CRTC3: variants seen among roughly 807,000 people sequenced by gnomAD.
The protein encoded by CRTC3 is CREB regulated transcription coactivator 3.
Under a neutral mutation model 74.5 loss-of-function variants are expected in CRTC3, and 26 were observed. The observed-to-expected ratio is 0.35, with a 90% CI of 0.26 to 0.48. The LOEUF is 0.48. Among genes scored for constraint, CRTC3 ranks in the 20% least tolerant of loss-of-function variants. CRTC3 has a pLI of 0.99. For synonymous variants in CRTC3, 377 were observed against 325.8 expected (o/e 1.16, Z -1.69); for missense variants, 760 against 787.3 (o/e 0.97, Z 0.41).
intron 2 of CRTC3, among the ~76,000 whole-genome samples, chr15:90,573,907 A>C (rs748622404): frequency 9.9e-5 from 15 of 152,216 alleles, no homozygotes; most frequent in Non-Finnish European, 1.9e-4. Flanking sequence ...TATTTTATGT[A>C]TGTATCAGCA....
intron 2 of CRTC3, among the ~76,000 whole-genome samples, chr15:90,583,682 A>C (rs546819638): frequency 1.3e-5 from 2 of 152,248 alleles, no homozygotes; most frequent in South Asian, 2.1e-4. Flanking sequence ...TGGGAGCCTC[A>C]CAGGAGTTTT....
rs1224493682 is a variant in CRTC3, at chr15:90,550,605, T to G, written c.231+10468T>G. Reference sequence around the variant, plus strand: ...TGTCCCCTTTAATACTCAAGCAGCCTTTTAGCAGCCTTTGAAATCTCATTT... The same window carrying G: ...TGTCCCCTTTAATACTCAAGCAGCCGTTTAGCAGCCTTTGAAATCTCATTT... On this transcript the variant is annotated intron_variant, in intron 2 of 14. Transcript: ENST00000268184. Among the ~76,000 whole-genome samples the G allele has an allele frequency of 2.6e-5, 4 of 152,102 alleles. No homozygotes were observed. In the East Asian group the frequency reaches 7.7e-4, roughly 29 times the overall value.
At chr15:90,600,133 ATC>A (rs1428848961) in intron 3 of CRTC3, among the ~76,000 whole-genome samples, 5 of 152,316 alleles carry the variant, frequency 3.3e-5, no homozygotes, top group South Asian at 2.1e-4. Context: ...TTTGGAAATT[ATC>A]TGTTTTATTT....
At chr15:90,607,251 T>G in intron 5 of CRTC3, 127 bp from the exon 6 acceptor site, 1 of 616,598 alleles carries the variant, frequency 1.6e-6, no homozygotes, top group Non-Finnish European at 2.9e-6. Context: ...TCCTAACCCC[T>G]TATTTGATGG....
chr15:90,587,875 A>C (rs1374911373), intron 2 of CRTC3, among the ~76,000 whole-genome samples: 2 of 151,626 alleles, frequency 1.3e-5, no homozygotes, highest in African/African-American at 4.8e-5. Context: ...CAGCCTCCCA[A>C]AGTGCTGGGA....
intron 9 of CRTC3, 140 bp from the exon 10 acceptor site, chr15:90,625,636 C>A: frequency 1.4e-6 from 1 of 733,934 alleles, no homozygotes; most frequent in Non-Finnish European, 2.4e-6. Flanking sequence ...CCAGTGTTCT[C>A]AGAATCAGAG....
At chr15:90,572,427 G>A (rs1967292685) in intron 2 of CRTC3, among the ~76,000 whole-genome samples, 1 of 152,154 alleles carries the variant, frequency 6.6e-6, no homozygotes, top group African/African-American at 2.4e-5. Context: ...GTTCCTAGAA[G>A]TAAAATAGCT....
At chr15:90,623,093 A>G (rs1045190124) in intron 9 of CRTC3, among the ~76,000 whole-genome samples, 4 of 152,100 alleles carry the variant, frequency 2.6e-5, no homozygotes, top group African/African-American at 9.7e-5. Context: ...TCCTAGGGAC[A>G]CCGAGGTCCC....
At chr15:90,604,523 G>C (rs1968166266) in intron 5 of CRTC3, 76 bp downstream of exon 5, 1 of 1,116,412 alleles carries the variant, frequency 9.0e-7, no homozygotes. Context: ...ATAGCATCCA[G>C]TTGCCAGAGT....
At chr15:90,584,303 T>A (rs578148441) in intron 2 of CRTC3, among the ~76,000 whole-genome samples, 1 of 150,822 alleles carries the variant, frequency 6.6e-6, no homozygotes, top group South Asian at 2.1e-4. Flanking sequence ...AGTGGCACGA[T>A]CTCAGCTCCC....
chr15:90,629,509 CT>C lies in CRTC3; in HGVS notation c.1244del (p.Leu415ArgfsTer79). The stretch of plus-strand genomic sequence containing the variant: ...CAGACAGCTGTCTTCAACCAGCCCA[CT>C]GGCCCCATATCCTACCTCCCAGGTA... ...FSRQLSSTSPLAPYPTSQMVS... is the reference protein window; with the variant it reads ...FSRQLSSTSPXAPYPTSQMVS... On this transcript the variant is annotated frameshift_variant, in exon 11 of 15. Transcript: ENST00000268184. LOFTEE classifies it high-confidence loss of function. 1 of 1,614,112 alleles carries C rather than the reference CT, an allele frequency of 6.2e-7. No homozygotes were observed. Among genetic ancestry groups the C allele is most frequent in the Non-Finnish European group, 8.5e-7 (1 of 1,180,002 alleles).
At chr15:90,624,462 TC>T (rs988672680) in intron 9 of CRTC3, among the ~76,000 whole-genome samples, 9 of 151,866 alleles carry the variant, frequency 5.9e-5, no homozygotes, top group Admixed American at 3.3e-4. Context: ...TGCCTCTCCC[TC>T]CCCATGTGCC....
intron 2 of CRTC3, among the ~76,000 whole-genome samples, chr15:90,549,776 C>T (rs944979247): frequency 8.1e-5 from 12 of 147,606 alleles, no homozygotes; most frequent in Non-Finnish European, 1.0e-4. Flanking sequence ...GATCTCAGCT[C>T]ACTGCAACTT....
rs1966804994 is a variant in CRTC3, at chr15:90,541,759, T to C, written c.231+1622T>C. ...TGCATTGGGGAATGGGATAAAATGA[T>C]AATCCTTGGCCTTCCCAGGATTCTT... is the stretch of plus-strand genomic sequence containing the variant. On this transcript the variant is annotated intron_variant, in intron 2 of 14. Transcript: ENST00000268184. Among the ~76,000 whole-genome samples the C allele has an allele frequency of 3.3e-5, 5 of 150,752 alleles. No homozygotes were observed. In the South Asian group the frequency reaches 1.0e-3, roughly 31 times the overall value.
chr15:90,574,828 A>G (rs1967365915), intron 2 of CRTC3, among the ~76,000 whole-genome samples: 1 of 152,100 alleles, frequency 6.6e-6, no homozygotes, highest in Non-Finnish European at 1.5e-5. Context: ...TTTATGAACC[A>G]TTTGTATTAT....
intron 2 of CRTC3, among the ~76,000 whole-genome samples, chr15:90,559,579 C>G (rs1385783967): frequency 6.6e-6 from 1 of 152,050 alleles, no homozygotes; most frequent in Non-Finnish European, 1.5e-5. Context: ...TGTATATTTT[C>G]CTGATTGCTG....
chr15:90,624,464 C>G (rs1334400482), intron 9 of CRTC3, among the ~76,000 whole-genome samples: 1 of 152,074 alleles, frequency 6.6e-6, no homozygotes, highest in Non-Finnish European at 1.5e-5. Context: ...CCTCTCCCTC[C>G]CCATGTGCCA....
intron 1 of CRTC3, among the ~76,000 whole-genome samples, chr15:90,532,796 G>A (rs3862433): frequency 0.48 from 72,863 of 151,972 alleles, 18,181 homozygotes; most frequent in Non-Finnish European, 0.55. Context: ...AAGAGAGGGA[G>A]GAAAGTGGGG....
chr15:90,614,280 C>A, intron 6 of CRTC3, 173 bp from the exon 7 acceptor site: 1 of 542,906 alleles, frequency 1.8e-6, no homozygotes, highest in South Asian at 2.6e-5. Context: ...ATTAGCTATA[C>A]CTATTTTTAG....
Sources: allele counts gnomAD v4.1 joint callset (sites outside exome capture counted in the v4.1 genomes callset), GRCh38; gene constraint gnomAD v4.1.1; transcripts MANE v1.5; gene names NCBI Gene and HGNC (gene_info 2026-07-23, HGNC 2026-07-21).